The following GTF3C2 variants were observed in gnomAD, a reference collection of about 807,000 sequenced individuals.
The protein encoded by GTF3C2 is general transcription factor IIIC subunit 2, also known as general transcription factor 3C polypeptide 2.
GTF3C2 carries 17 observed loss-of-function variants against 117.4 expected under a neutral mutation model. That is an observed-to-expected ratio of 0.14 (90% CI 0.10 to 0.22). The LOEUF (loss-of-function observed/expected upper bound fraction) is 0.22. Ranked by LOEUF, GTF3C2 falls within the 10% of genes least tolerant of loss-of-function variation. GTF3C2 has a pLI of 1.00. For missense variants in GTF3C2, 888 were observed against 1,143.6 expected, an observed-to-expected ratio of 0.78 and a Z score of 3.22; for synonymous variants, 437 against 427.0, an observed-to-expected ratio of 1.02 and a Z score of -0.29.
chr2:27,335,261 A>G (rs1426918937), intron 10 of GTF3C2: 1 of 496,220 alleles, frequency 2.0e-6, no homozygotes, highest in African/African-American at 2.0e-5. Context: ...GAACAAGAGT[A>G]TAGCAGGGGA....
intron 1 of GTF3C2, among the ~76,000 whole-genome samples, chr2:27,349,337 C>T (rs551659739): frequency 3.4e-4 from 50 of 148,846 alleles, no homozygotes; most frequent in Non-Finnish European, 6.1e-4. Context: ...TTAGTAGAGA[C>T]GGGGTTTCAC....
chr2:27,337,340 T>G, exon 7 of GTF3C2: 1 of 1,604,556 alleles, frequency 6.2e-7, no homozygotes, highest in Non-Finnish European at 8.5e-7. Flanking sequence ...GGGAGCGGCC[T>G]CACTGGGGGA....
chr2:27,339,409 C>CAAAA (rs761860478), intron 4 of GTF3C2, among the ~76,000 whole-genome samples: 1 of 46,814 alleles, frequency 2.1e-5, no homozygotes, highest in African/African-American at 6.7e-5. Context: ...AACTCCGTCT[C>CAAAA]AAAAAAAAAA....
At chr2:27,353,331 C>A (rs1681203244) in intron 1 of GTF3C2, among the ~76,000 whole-genome samples, 1 of 147,532 alleles carries the variant, frequency 6.8e-6, no homozygotes, top group Non-Finnish European at 1.5e-5. Flanking sequence ...TGCAGTGAGC[C>A]AAGATTGCAC....
chr2:27,329,285 G>A lies in GTF3C2; in HGVS notation c.1878-3C>T. On this transcript the variant is annotated splice_region_variant and splice_polypyrimidine_tract_variant and intron_variant, in intron 13 of 18. Coordinates refer to ENST00000264720, the Ensembl canonical transcript of GTF3C2. This position sits in a 1 kb window ranked among gnomAD's most constrained non-coding sequence, Gnocchi z 4.5. ...TCCCCGCAGAGACAAGGAAATGGCT[G>A]TAAAAAGACGGGAGAAGGTCAAATC... The A allele has an allele frequency of 6.2e-7, 1 of 1,614,162 alleles. No homozygotes were observed. The highest frequency in any genetic ancestry group is 1.1e-5 in the South Asian group (1 of 91,080).
Position 27,329,354 on chromosome 2 carries a change from C to G in GTF3C2, c.1877+25G>C, listed in dbSNP as rs1416787410. 5 of 1,613,980 alleles carry G rather than the reference C, an allele frequency of 3.1e-6. No individual in the cohort carries two copies. The Admixed American group carries it at 8.3e-5, about 27-fold the overall frequency. ...AGCCTGTCCCAGTCTTCACCTTCCC[C>G]CTCCACATACCTCCTATTCCATACC... is the stretch of plus-strand genomic sequence containing the variant. On this transcript the variant is annotated intron_variant, in intron 13 of 18. Transcript: ENST00000264720. This position sits in a 1 kb window ranked among gnomAD's most constrained non-coding sequence, Gnocchi z 4.5.
At chr2:27,326,274 A>C in exon 19 of GTF3C2, 1 of 473,960 alleles carries the variant, frequency 2.1e-6, no homozygotes, top group South Asian at 1.6e-5. Context: ...GTCAGACAGG[A>C]GCCTTCATGC....
Position 27,356,120 on chromosome 2 carries a change from C to A in GTF3C2, c.-25+619G>T, listed in dbSNP as rs756368096. On this transcript the variant is annotated intron_variant, in intron 1 of 18. Coordinates refer to ENST00000264720, the Ensembl canonical transcript of GTF3C2. ...TCCCTCCAACAAAGTGAGTTGCCTC[C>A]GACGGAGTTGAAGTCGCCACCTCTG... The A allele has an allele frequency of 1.4e-5, 18 of 1,288,648 alleles. No individual in the cohort carries two copies. In the African/African-American group the frequency reaches 2.4e-4, roughly 17 times the overall value. The allele number at this position is 1,288,648 out of a possible 1,614,324, so 79.8% of individuals were successfully genotyped here.
chr2:27,336,252 G>A (rs768291859), exon 8 of GTF3C2: 29 of 1,613,996 alleles, frequency 1.8e-5, no homozygotes, highest in East Asian at 6.7e-5. Context: ...CCCAGGACCC[G>A]AATGAAGCTG....
chr2:27,349,453 T>C (rs1247731515), intron 1 of GTF3C2, among the ~76,000 whole-genome samples: 1 of 151,830 alleles, frequency 6.6e-6, no homozygotes, highest in Non-Finnish European at 1.5e-5. Flanking sequence ...AGCCCTGATT[T>C]GATTTTAAAA....
rs1160069010 is a variant in GTF3C2, at chr2:27,338,142, T to C, written c.856-122A>G. ...ATACCTCCCCCTCCAATCACTGCCC[T>C]ATCAGCATCTTAAAAGATTTGTGTT... On this transcript the variant is annotated intron_variant, in intron 4 of 18. Transcript: ENST00000264720. 7.0e-6 allele frequency: 5 copies of C among 709,516 alleles called. No homozygotes were observed. In the East Asian group the frequency reaches 1.2e-4, roughly 18 times the overall value. The allele number at this position is 709,516 out of a possible 1,614,324, so 44.0% of individuals were successfully genotyped here.
Position 27,332,694 on chromosome 2 carries a change from G to A in GTF3C2, c.1732+961C>T, listed in dbSNP as rs1356864711. The stretch of plus-strand genomic sequence containing the variant: ...CTCCCAGAGTGCTGGGATTACAGGC[G>A]TGAGCCACCGTGCCCGGCCTAAAAA... On this transcript the variant is annotated intron_variant, in intron 12 of 18. Transcript: ENST00000264720. Among the ~76,000 whole-genome samples, 7 of 151,888 alleles carry A rather than the reference G, an allele frequency of 4.6e-5. 1 individual carries two copies. The South Asian group carries it at 8.3e-4, about 18-fold the overall frequency.
intron 4 of GTF3C2, among the ~76,000 whole-genome samples, chr2:27,339,393 G>A (rs1331751627): frequency 1.7e-5 from 2 of 120,612 alleles, no homozygotes; most frequent in East Asian, 2.5e-4. Flanking sequence ...TGGGCAATAA[G>A]AGCGAAACTC....
At chr2:27,356,444 G>C (rs1226922549) in intron 1 of GTF3C2, 1 of 251,686 alleles carries the variant, frequency 4.0e-6, no homozygotes, top group Non-Finnish European at 8.3e-6. Context: ...GAGTTCGAGG[G>C]ACGCTACGTA....
intron 12 of GTF3C2, among the ~76,000 whole-genome samples, chr2:27,333,228 T>C (rs1462880679): frequency 6.6e-6 from 1 of 150,476 alleles, no homozygotes; most frequent in Non-Finnish European, 1.5e-5. Context: ...GGGTGTGATC[T>C]TGGCTCACTG....
At chr2:27,351,183 G>C (rs1681122195) in intron 1 of GTF3C2, among the ~76,000 whole-genome samples, 1 of 151,950 alleles carries the variant, frequency 6.6e-6, no homozygotes, top group Admixed American at 6.6e-5. Flanking sequence ...AGGCTGAAGA[G>C]GGCGGATCAC....
rs529547766 is a variant in GTF3C2, at chr2:27,350,497, T to C, written c.-25+6242A>G. 6 of 985,622 alleles carry C rather than the reference T, an allele frequency of 6.1e-6. No homozygotes were observed. In the South Asian group the frequency reaches 2.8e-4, roughly 46 times the overall value. 61.1% of individuals were successfully genotyped at this position (985,622 alleles called of 1,614,324 possible). On this transcript the variant is annotated intron_variant, in intron 1 of 18. Transcript: ENST00000264720. The stretch of plus-strand genomic sequence containing the variant: ...GGAAGGTGCTCTTATTTACAGCTGC[T>C]GGCTCAAGAATCATGTGCTGGGCTG...
chr2:27,338,577 C>A (rs1320013123), intron 4 of GTF3C2, among the ~76,000 whole-genome samples: 1 of 152,174 alleles, frequency 6.6e-6, no homozygotes, highest in Non-Finnish European at 1.5e-5. Context: ...GTTGCCCAGG[C>A]TGGAGTGCAG....
chr2:27,327,013 G>T, intron 18 of GTF3C2, 120 bp from the exon 19 acceptor site: 1 of 710,352 alleles, frequency 1.4e-6, no homozygotes. Flanking sequence ...ACCATGAGGG[G>T]TGACAGAGGT....
Sources: gnomAD v4.1 joint callset for allele counts (sites outside exome capture counted in the v4.1 genomes callset) on GRCh38, gnomAD v4.1.1 for gene constraint, Gnocchi (gnomAD v3.1) non-coding constraint, MANE v1.5 for transcripts, NCBI Gene and HGNC (gene_info 2026-07-23, HGNC 2026-07-21) for gene names.